Variants in RAD17 observed in about 807,000 individuals in gnomAD.
RAD17 encodes the protein cell cycle checkpoint protein RAD17.
A neutral mutation model predicts 81.5 loss-of-function variants in RAD17; 31 were observed. That is an observed-to-expected ratio of 0.38 (90% CI 0.29 to 0.51). RAD17 has a LOEUF of 0.51. Among genes scored for constraint, RAD17 ranks in the 20% least tolerant of loss-of-function variants. The pLI is 0.88. For synonymous variants in RAD17, 261 were observed against 266.2 expected (o/e 0.98, Z 0.19); for missense variants, 681 against 781.2 (o/e 0.87, Z 1.53).
intron 4 of RAD17, among the ~76,000 whole-genome samples, chr5:69,372,734 C>T (rs772935528): frequency 4.6e-5 from 7 of 152,062 alleles, no homozygotes; most frequent in South Asian, 2.1e-4. Context: ...ACCTTAGCCC[C>T]CCAAGTAGCT....
Position 69,381,990 on chromosome 5 carries a change from A to G in RAD17, c.441A>G (p.Val147=), listed in dbSNP as rs373675696. ...TATCAAAGGAGCATGGTATTCAAGT[A>G]CAAGAGTGGATTAATCCAGTTTTAC... The part of the protein sequence containing the change: ...KILSKEHGIQ[V]QEWINPVLPD... Residue 147 remains valine, a synonymous_variant, in exon 7 of 19, where the codon GTA becomes GTG. Coordinates refer to ENST00000354868, the MANE Select transcript of RAD17 (RefSeq NM_133338.3). 2 of 1,609,346 alleles carry G rather than the reference A, an allele frequency of 1.2e-6. No homozygotes were observed. The highest frequency in any genetic ancestry group is 1.7e-6 in the Non-Finnish European group (2 of 1,175,710).
At chr5:69,391,229 CAA>C (rs34553672) in intron 12 of RAD17, among the ~76,000 whole-genome samples, 152 of 110,082 alleles carry the variant, frequency 1.4e-3, no homozygotes, top group Middle Eastern at 9.1e-3. Flanking sequence ...GACTCCATCT[CAA>C]AAAAAAAAAA....
chr5:69,370,550 CA>C (rs1304932124), intron 1 of RAD17, among the ~76,000 whole-genome samples: 3 of 152,120 alleles, frequency 2.0e-5, no homozygotes, highest in Non-Finnish European at 4.4e-5. Context: ...ATGTTTTGGC[CA>C]GGCTGGTCTC....
At chr5:69,411,744 T>A (rs1176977730) in intron 18 of RAD17, among the ~76,000 whole-genome samples, 2 of 152,236 alleles carry the variant, frequency 1.3e-5, no homozygotes, top group Non-Finnish European at 2.9e-5. Context: ...CACATCCCTC[T>A]GAATGAAAGC....
chr5:69,383,113 A>G (rs1249341982), intron 7 of RAD17, among the ~76,000 whole-genome samples: 1 of 152,120 alleles, frequency 6.6e-6, no homozygotes, highest in Non-Finnish European at 1.5e-5. Context: ...GTAATACGTT[A>G]TAAGTTCATG....
intron 4 of RAD17, 119 bp from the exon 5 acceptor site, chr5:69,373,711 T>TTG: frequency 4.6e-6 from 2 of 435,608 alleles, no homozygotes; most frequent in Non-Finnish European, 6.7e-6. Context: ...TTTTTTTTTT[T>TTG]TTTTTAAGTT....
intron 17 of RAD17, among the ~76,000 whole-genome samples, chr5:69,402,624 C>T (rs1048041621): frequency 2.0e-5 from 3 of 146,924 alleles, no homozygotes; most frequent in African/African-American, 5.0e-5. Context: ...CACTGCACTC[C>T]AGCCTGGGAG....
At chr5:69,404,074 T>G (rs796859739) in intron 17 of RAD17, among the ~76,000 whole-genome samples, 6 of 152,292 alleles carry the variant, frequency 3.9e-5, no homozygotes, top group African/African-American at 1.2e-4. Flanking sequence ...ATATGGCCCT[T>G]AAAATACACA....
rs764649220 is a variant in RAD17, at chr5:69,400,095, G to A, written c.1619G>A (p.Cys540Tyr). 52 of 1,602,048 alleles carry A rather than the reference G, an allele frequency of 3.2e-5. 1 individual carries two copies. In the South Asian group the frequency reaches 5.7e-4, roughly 18 times the overall value. ...LAAKALFPDF[C>Y]LPALCLQTQL... ...GCAAAAGCACTTTTTCCTGACTTCT[G>A]CCTACCAGCTTTATGCCTCCAAACT... is the stretch of plus-strand genomic sequence containing the variant. Residue 540 changes from cysteine to tyrosine, a missense_variant, in exon 17 of 19, where the codon TGC (cysteine) becomes TAC (tyrosine). Physicochemically the swap from Cys to Tyr is radical, Grantham distance 194. Coordinates refer to ENST00000354868, the MANE Select transcript of RAD17 (RefSeq NM_133338.3).
At chr5:69,402,263 C>G (rs1262009185) in intron 17 of RAD17, among the ~76,000 whole-genome samples, 1 of 151,642 alleles carries the variant, frequency 6.6e-6, no homozygotes, top group Admixed American at 6.6e-5. Context: ...GTTGGCCAGG[C>G]TGATCTCGAA....
intron 6 of RAD17, among the ~76,000 whole-genome samples, chr5:69,377,518 T>TATAC (rs1763470807): frequency 2.7e-5 from 2 of 72,958 alleles, no homozygotes; most frequent in Non-Finnish European, 5.1e-5. Context: ...TATATATACG[T>TATAC]ATATATATGT....
upstream of RAD17, chr5:69,369,379 G>GC: frequency 1.3e-6 from 2 of 1,520,002 alleles, no homozygotes; most frequent in Non-Finnish European, 8.9e-7. Flanking sequence ...GCAGTGAGGG[G>GC]CCCCCACCTG....
chr5:69,410,499 T>C lies in RAD17; in HGVS notation c.1700T>C (p.Ile567Thr). The change falls in exon 18 of 19, where the codon ATT (isoleucine) becomes ACT (threonine). Residue 567 changes from isoleucine (I) to threonine (T), a missense_variant. Ile to Thr is a moderately conservative substitution (Grantham distance 89, BLOSUM62 -1). Coordinates refer to ENST00000354868, the MANE Select transcript of RAD17 (RefSeq NM_133338.3). ...TTTAAAAAATCTGTTTCAGCTCAGA[T>C]TTCTTTTATCCAAGATATTGGAAGG... ...LTIPMRNQAQ[I>T]SFIQDIGRLP... 6.2e-7 allele frequency: 1 copy of C among 1,612,554 alleles called. No individual in the cohort carries two copies. Among genetic ancestry groups the C allele is most frequent in the Non-Finnish European group, 8.5e-7 (1 of 1,179,190 alleles).
chr5:69,408,670 C>G (rs1211770670), intron 17 of RAD17, among the ~76,000 whole-genome samples: 1 of 151,900 alleles, frequency 6.6e-6, no homozygotes, highest in Non-Finnish European at 1.5e-5. Flanking sequence ...GCCACCATCC[C>G]CAGCTAATTT....
intron 17 of RAD17, among the ~76,000 whole-genome samples, chr5:69,407,258 C>T (rs1243768577): frequency 6.6e-6 from 1 of 151,916 alleles, no homozygotes; most frequent in African/African-American, 2.4e-5. Context: ...CTGCTTCGGC[C>T]TGTGTAGTAG....
chr5:69,394,528 TTCTTAACA>T (rs1764759958), intron 15 of RAD17, among the ~76,000 whole-genome samples: 1 of 152,190 alleles, frequency 6.6e-6, no homozygotes, highest in Admixed American at 6.5e-5. Flanking sequence ...TTGTATTTTG[TTCTTAACA>T]TCTTAACACT....
intron 17 of RAD17, among the ~76,000 whole-genome samples, chr5:69,407,111 T>G (rs935434561): frequency 1.3e-5 from 2 of 150,174 alleles, no homozygotes; most frequent in African/African-American, 4.9e-5. Flanking sequence ...CAAGCGATTC[T>G]CCTACCTCAG....
rs377737971 is a variant in RAD17, at chr5:69,396,548, T to TAAAAA, written c.1572+15_1572+19dup. ...CAGTGGTTTCTAATAAATAAAAAGGTAAAAAAAAAAAAAAAAATTCTGTAC... is the reference window on the plus strand; with the variant it reads ...CAGTGGTTTCTAATAAATAAAAAGGTAAAAAAAAAAAAAAAAAAAAAATTCTGTAC... On this transcript the variant is annotated splice_region_variant and intron_variant, in intron 16 of 18. Coordinates refer to ENST00000354868, the MANE Select transcript of RAD17 (RefSeq NM_133338.3). The TAAAAA allele has an allele frequency of 1.1e-5, 15 of 1,342,286 alleles. No homozygotes were observed. Among genetic ancestry groups the TAAAAA allele is most frequent in the Non-Finnish European group, 1.4e-5 (14 of 1,017,516 alleles). 83.1% of individuals were successfully genotyped at this position (1,342,286 alleles called of 1,614,324 possible).
upstream of RAD17, chr5:69,369,713 C>T (rs1186304496): frequency 6.4e-7 from 1 of 1,551,162 alleles, no homozygotes. Flanking sequence ...TAACTCGGGT[C>T]GGTACTTCGG....
Sources: allele counts gnomAD v4.1 joint callset (sites outside exome capture counted in the v4.1 genomes callset), GRCh38; gene constraint gnomAD v4.1.1; transcripts MANE v1.5; gene names NCBI Gene and HGNC (gene_info 2026-07-23, HGNC 2026-07-21).